The following ALDH1L2 variants were observed in gnomAD, a reference collection of about 807,000 sequenced individuals.
ALDH1L2 encodes mitochondrial 10-formyltetrahydrofolate dehydrogenase.
Under a neutral mutation model 111.0 loss-of-function variants are expected in ALDH1L2, and 91 were observed. The ratio of observed to expected loss-of-function variants is 0.82; its 90% CI spans 0.69 to 0.98. The LOEUF (loss-of-function observed/expected upper bound fraction) is 0.98, where lower values mean the gene tolerates loss of function less well. ALDH1L2 is among the 50% of genes least tolerant of loss of function. The probability of loss-of-function intolerance (pLI) is 0.00; values close to 1 mark genes in which losing one functional copy is unlikely to be tolerated. For synonymous variants in ALDH1L2, 374 were observed against 392.6 expected (o/e 0.95, Z 0.56); for missense variants, 995 against 1,126.8 (o/e 0.88, Z 1.67).
chr12:105,040,359 A>C (rs1285527401), intron 16 of ALDH1L2, among the ~76,000 whole-genome samples: 1 of 152,148 alleles, frequency 6.6e-6, no homozygotes, highest in Non-Finnish European at 1.5e-5. Context: ...TTGAAAATCA[A>C]AATGGAACAT....
chr12:105,032,107 TC>T (rs1874735698), intron 19 of ALDH1L2, among the ~76,000 whole-genome samples, 173 bp from the exon 20 acceptor site: 1 of 146,298 alleles, frequency 6.8e-6, no homozygotes, highest in East Asian at 2.0e-4. Context: ...GGAGACAGGG[TC>T]TTAGTCACTC....
intron 3 of ALDH1L2, among the ~76,000 whole-genome samples, chr12:105,069,861 A>G (rs1025398016): frequency 1.3e-5 from 2 of 152,222 alleles, no homozygotes; most frequent in African/African-American, 4.8e-5. Flanking sequence ...ACACTGGAAA[A>G]TAGCAATACA....
chr12:105,039,872 T>A, intron 16 of ALDH1L2, 66 bp from the exon 17 acceptor site: 1 of 1,414,364 alleles, frequency 7.1e-7, no homozygotes, highest in East Asian at 2.3e-5. Context: ...GGCTTACGCC[T>A]GTAATCCCCG....
chr12:105,056,053 A>G (rs980866423), intron 10 of ALDH1L2, among the ~76,000 whole-genome samples: 4 of 152,206 alleles, frequency 2.6e-5, no homozygotes, highest in African/African-American at 7.2e-5. Context: ...CATTTCAAGA[A>G]TGCACAATCC....
At chr12:105,084,362 C>G in intron 1 of ALDH1L2, 27 bp downstream of exon 1, 1 of 1,504,734 alleles carries the variant, frequency 6.6e-7, no homozygotes. Context: ...GGGTGACAGC[C>G]GGGACGCTCG....
intron 1 of ALDH1L2, among the ~76,000 whole-genome samples, chr12:105,076,806 G>C (rs529864226): frequency 6.6e-6 from 1 of 152,212 alleles, no homozygotes; most frequent in East Asian, 1.9e-4. Context: ...AATATACCAT[G>C]AGCCAAACAC....
intron 19 of ALDH1L2, 24 bp downstream of exon 19, chr12:105,034,276 A>G: frequency 6.2e-7 from 1 of 1,609,078 alleles, no homozygotes; most frequent in Non-Finnish European, 8.5e-7. Context: ...TAAACAACTC[A>G]GAGTAAATGT....
intron 1 of ALDH1L2, 34 bp downstream of exon 1, chr12:105,084,355 T>C: frequency 6.7e-7 from 1 of 1,484,702 alleles, no homozygotes; most frequent in Admixed American, 2.2e-5. Flanking sequence ...CAGGACAGGG[T>C]GACAGCCGGG....
intron 3 of ALDH1L2, among the ~76,000 whole-genome samples, chr12:105,070,032 G>T (rs1877585504): frequency 6.6e-6 from 1 of 152,096 alleles, no homozygotes; most frequent in African/African-American, 2.4e-5. Flanking sequence ...CAAAAAAAAA[G>T]TTCTGTGGTC....
intron 2 of ALDH1L2, 25 bp downstream of exon 2, chr12:105,073,836 C>T: frequency 6.2e-7 from 1 of 1,613,408 alleles, no homozygotes; most frequent in Non-Finnish European, 8.5e-7. Flanking sequence ...GAATTCTTGA[C>T]CCAGTCATCC....
chr12:105,064,114 C>CTTTTTTT lies in ALDH1L2; in HGVS notation c.787-1099_787-1093dup, dbSNP rs71069786. ...TACAGGCACATGCCACCACACCGAG[C>CTTTTTTT]TTTTTTTTTTTTTTTTTTTTTTTTT... On this transcript the variant is annotated intron_variant, in intron 6 of 22. Coordinates refer to ENST00000258494, the MANE Select transcript of ALDH1L2 (RefSeq NM_001034173.4). 2.6e-4 allele frequency among the ~76,000 whole-genome samples: 9 copies of CTTTTTTT among 35,122 alleles called. 2 individuals carry two copies. The highest frequency in any genetic ancestry group is 4.3e-4 in the African/African-American group (4 of 9,288). The allele number at this position is 35,122 out of a possible 152,430, so 23.0% of individuals were successfully genotyped here. A position where few individuals can be genotyped will look rare whatever the true frequency, so the allele number is the denominator to read the frequency against.
chr12:105,038,258 T>TCACACA, intron 17 of ALDH1L2, 56 bp from the exon 18 acceptor site: 15 of 707,656 alleles, frequency 2.1e-5, no homozygotes, highest in South Asian at 3.4e-5. Context: ...TCTCTCTCTC[T>TCACACA]CTCACACACA....
Position 105,031,808 on chromosome 12 carries a change from C to A in ALDH1L2, c.2371G>T (p.Ala791Ser). ...QYCETGVKEG[A>S]TLVYGGRQVQ... ...TGTCTTCCCCCGTACACCAAAGTGG[C>A]CCCTTCTTTCACTCCAGTTTCACAG... The change falls in exon 20 of 23, where the codon GCC becomes TCC. Residue 791 changes from alanine to serine, a missense_variant. Transcript: ENST00000258494. The A allele has an allele frequency of 6.2e-7, 1 of 1,614,198 alleles. No homozygotes were observed. The highest frequency in any genetic ancestry group is 8.5e-7 in the Non-Finnish European group (1 of 1,180,028).
At chr12:105,030,718 C>A (rs1874651180) in intron 20 of ALDH1L2, among the ~76,000 whole-genome samples, 1 of 152,078 alleles carries the variant, frequency 6.6e-6, no homozygotes. Flanking sequence ...TATTTTAAAG[C>A]AAATTCCAGA....
In ALDH1L2 at chr12:105,024,346, C is replaced by T; in HGVS notation, c.*78G>A. 2 of 1,557,544 alleles carry T rather than the reference C, an allele frequency of 1.3e-6. No homozygotes were observed. The highest frequency in any genetic ancestry group is 1.8e-6 in the Non-Finnish European group (2 of 1,131,830). On this transcript the variant is annotated 3_prime_UTR_variant, in exon 23 of 23. Coordinates refer to ENST00000258494, the MANE Select transcript of ALDH1L2 (RefSeq NM_001034173.4). ...GGTTTGTGGCTGACACCTCCTGCCT[C>T]AACACACCCAATCTTCTTAAGTGTG...
chr12:105,035,755 A>G (rs182528629), intron 18 of ALDH1L2, among the ~76,000 whole-genome samples: 1 of 150,274 alleles, frequency 6.7e-6, no homozygotes, highest in East Asian at 1.9e-4. Flanking sequence ...AATTTTGTGC[A>G]TTTTCCCTTT....
rs193137975 is a variant in ALDH1L2, at chr12:105,043,382, G to A, written c.1864-2688C>T. Among the ~76,000 whole-genome samples, 14 of 152,272 alleles carry A rather than the reference G, an allele frequency of 9.2e-5. No individual in the cohort carries two copies. The East Asian group carries it at 2.7e-3, about 29-fold the overall frequency. On this transcript the variant is annotated intron_variant, in intron 15 of 22. Transcript: ENST00000258494. ...TAGCAAACAAACAAGAAAGAGGCAGGGCCACCACTTTTCCTCCTTCTAGTA... is the reference window on the plus strand; with the variant it reads ...TAGCAAACAAACAAGAAAGAGGCAGAGCCACCACTTTTCCTCCTTCTAGTA...
intron 1 of ALDH1L2, among the ~76,000 whole-genome samples, chr12:105,081,715 A>G (rs1878343270): frequency 6.6e-6 from 1 of 152,252 alleles, no homozygotes; most frequent in Non-Finnish European, 1.5e-5. Context: ...AGCTGAAATC[A>G]TTAAGTATTT....
rs562695769 is a variant in ALDH1L2, at chr12:105,023,600, T to G, written c.*824A>C. ...ACATTACTGCAATGAATTCTCCTATTAAGGGTCCTGAGGAAGGCATTTACT... is the reference window on the plus strand; with the variant it reads ...ACATTACTGCAATGAATTCTCCTATGAAGGGTCCTGAGGAAGGCATTTACT... On this transcript the variant is annotated 3_prime_UTR_variant, in exon 23 of 23. Transcript: ENST00000258494. 6.6e-6 allele frequency: 1 copy of G among 152,284 alleles called. No individual in the cohort carries two copies. The highest frequency in any genetic ancestry group is 2.1e-4 in the South Asian group (1 of 4,820). 9.4% of individuals were successfully genotyped at this position (152,284 alleles called of 1,614,324 possible).
Sources: gnomAD v4.1 joint callset for allele counts (sites outside exome capture counted in the v4.1 genomes callset) on GRCh38, gnomAD v4.1.1 for gene constraint, MANE v1.5 for transcripts, NCBI Gene and HGNC (gene_info 2026-07-23, HGNC 2026-07-21) for gene names.